NENF: variants seen among roughly 807,000 people sequenced by gnomAD.
NENF encodes the protein neudesin neurotrophic factor, also known as neudesin.
A neutral mutation model predicts 14.8 loss-of-function variants in NENF; 6 were observed. The ratio of observed to expected loss-of-function variants is 0.40; its 90% CI spans 0.22 to 0.80. NENF has a LOEUF of 0.80. NENF is among the 30% of genes least tolerant of loss of function. The probability of loss-of-function intolerance (pLI) is 0.34; values close to 1 mark genes in which losing one functional copy is unlikely to be tolerated. For synonymous variants in NENF, 76 were observed against 95.1 expected, an observed-to-expected ratio of 0.80 and a Z score of 1.17; for missense variants, 184 against 212.7, an observed-to-expected ratio of 0.87 and a Z score of 0.84.
intron 1 of NENF, among the ~76,000 whole-genome samples, chr1:212,435,452 G>A (rs570843615): frequency 3.3e-5 from 5 of 151,932 alleles, no homozygotes; most frequent in African/African-American, 4.8e-5. Flanking sequence ...GGGCCCAAGC[G>A]ATCCTCCTGC....
In NENF at chr1:212,445,818, T is replaced by C. The variant is rs765761664; in HGVS notation, c.343-12T>C. 5.0e-6 allele frequency: 8 copies of C among 1,613,450 alleles called. No homozygotes were observed. Among genetic ancestry groups the C allele is most frequent in the Non-Finnish European group, 6.8e-6 (8 of 1,179,550 alleles). ...CCCCATCTCCTGTCTTTCTTGGGCT[T>C]TTCTCCCCAAGACGGGTCTCACGGC... On this transcript the variant is annotated splice_polypyrimidine_tract_variant and intron_variant, in intron 3 of 3. Transcript: ENST00000366988.
chr1:212,433,082 T>C lies in NENF; in HGVS notation c.139T>C (p.Phe47Leu), dbSNP rs548607474. 1.3e-5 allele frequency: 15 copies of C among 1,194,676 alleles called. No individual in the cohort carries two copies. The African/African-American group carries it at 1.4e-4, about 11-fold the overall frequency. 74.0% of individuals were successfully genotyped at this position (1,194,676 alleles called of 1,614,324 possible). A position where few individuals can be genotyped will look rare whatever the true frequency, so the allele number is the denominator to read the frequency against. Residue 47 changes from phenylalanine (F) to leucine (L), a missense_variant, in exon 1 of 4, where the codon TTC becomes CTC. Phe to Leu is a conservative substitution (Grantham distance 22, BLOSUM62 0). Coordinates refer to ENST00000366988, the MANE Select transcript of NENF (RefSeq NM_013349.5). The surrounding 1 kb of genome is among the most constrained non-coding windows in gnomAD (Gnocchi z 5.5). The part of the protein sequence containing the change: ...PAERGPPVRL[F>L]TEEELARYGG... ...CGAGCGGGGGCCCCCAGTGCGGCTT[T>C]TCACCGAGGAGGAGCTGGCCCGCTA...
chr1:212,441,012 C>G (rs1479993883), intron 1 of NENF, among the ~76,000 whole-genome samples: 2 of 152,106 alleles, frequency 1.3e-5, no homozygotes, highest in African/African-American at 4.8e-5. Context: ...GGACTGTACC[C>G]ATCGTCCCAG....
chr1:212,442,536 C>G, intron 1 of NENF, 29 bp from the exon 2 acceptor site: 1 of 1,591,976 alleles, frequency 6.3e-7, no homozygotes, highest in Non-Finnish European at 8.6e-7. Context: ...TCTTCCCTTC[C>G]TCTTCACAGC....
Position 212,444,431 on chromosome 1 carries a change from AC to A in NENF, c.334del (p.His112MetfsTer79). 2 of 1,599,380 alleles carry A rather than the reference AC, an allele frequency of 1.3e-6. No homozygotes were observed. Among genetic ancestry groups the A allele is most frequent in the Non-Finnish European group, 1.7e-6 (2 of 1,171,934 alleles). Reference protein sequence around the residue: ...AKMSLDPADLTHDTTGLTAKE... With the variant: ...AKMSLDPADLXHDTTGLTAKE... ...GATGTCCTTGGATCCTGCAGACCTC[AC>A]CCATGACACTGTGAGCCAGATTATA... On this transcript the variant is annotated frameshift_variant, in exon 3 of 4. Coordinates refer to ENST00000366988, the MANE Select transcript of NENF (RefSeq NM_013349.5). LOFTEE classifies it high-confidence loss of function.
chr1:212,444,361 C>T lies in NENF; in HGVS notation c.261C>T (p.Pro87=), dbSNP rs775819620. The part of the protein sequence containing the change: ...SGKEFYGRGA[P]YNALTGKDST... The stretch of plus-strand genomic sequence containing the variant: ...CAGAGTTTTATGGACGAGGAGCCCC[C>T]TACAATGCCTTGACGGGGAAGGACT... The change falls in exon 3 of 4, where the codon CCC becomes CCT. Residue 87 remains proline, a synonymous_variant. Transcript: ENST00000366988. 11 of 1,605,956 alleles carry T rather than the reference C, an allele frequency of 6.8e-6. No homozygotes were observed. Among genetic ancestry groups the T allele is most frequent in the Middle Eastern group, 1.6e-4 (1 of 6,064 alleles).
intron 1 of NENF, among the ~76,000 whole-genome samples, chr1:212,439,415 G>A (rs1448870181): frequency 1.3e-5 from 2 of 151,356 alleles, no homozygotes; most frequent in Admixed American, 6.6e-5. Context: ...GGTGGCACAC[G>A]TCTGTAATCC....
chr1:212,444,004 A>G (rs1396606831), intron 2 of NENF, among the ~76,000 whole-genome samples: 2 of 152,072 alleles, frequency 1.3e-5, no homozygotes, highest in African/African-American at 4.8e-5. Context: ...GTGAGCCAAG[A>G]TTGTGCCACT....
chr1:212,438,713 G>A (rs1381533214), intron 1 of NENF, among the ~76,000 whole-genome samples: 3 of 150,058 alleles, frequency 2.0e-5, no homozygotes, highest in African/African-American at 4.9e-5. Flanking sequence ...TCCGCCTCCC[G>A]GGTTCAAGCA....
intron 1 of NENF, among the ~76,000 whole-genome samples, chr1:212,436,434 C>T (rs992354645): frequency 1.3e-5 from 2 of 151,802 alleles, no homozygotes; most frequent in East Asian, 1.9e-4. Flanking sequence ...CTCAGCCTCC[C>T]GAGTAGCTGG....
intron 1 of NENF, among the ~76,000 whole-genome samples, chr1:212,435,927 T>C (rs1370094290): frequency 2.6e-5 from 4 of 152,184 alleles, no homozygotes; most frequent in South Asian, 2.1e-4. Flanking sequence ...AAATGTATTA[T>C]ATACTGAATT....
intron 3 of NENF, 23 bp downstream of exon 3, chr1:212,444,465 G>A (rs374760790): frequency 6.6e-7 from 1 of 1,525,082 alleles, no homozygotes; most frequent in South Asian, 1.2e-5. Context: ...ATAAGCCTTT[G>A]TAAAATCCTC....
chr1:212,433,760 A>C lies in NENF; in HGVS notation c.177+640A>C, dbSNP rs1662560607. Among the ~76,000 whole-genome samples the C allele has an allele frequency of 6.6e-6, 1 of 150,396 alleles. No homozygotes were observed. The highest frequency in any genetic ancestry group is 1.5e-5 in the Non-Finnish European group (1 of 67,542). On this transcript the variant is annotated intron_variant, in intron 1 of 3. Transcript: ENST00000366988. This position sits in a 1 kb window ranked among gnomAD's most constrained non-coding sequence, Gnocchi z 5.5. Reference sequence around the variant, plus strand: ...AATAGAGACCCCCCCGCCCACACACACCCACACACGTCAATAGTCTAGAGG... The same window carrying C: ...AATAGAGACCCCCCCGCCCACACACCCCCACACACGTCAATAGTCTAGAGG...
rs1370620216 is a variant in NENF, at chr1:212,433,104, G to A, written c.161G>A (p.Arg54His). 8.4e-7 allele frequency: 1 copy of A among 1,196,484 alleles called. No individual in the cohort carries two copies. The highest frequency in any genetic ancestry group is 1.0e-6 in the Non-Finnish European group (1 of 964,678). 74.1% of individuals were successfully genotyped at this position (1,196,484 alleles called of 1,614,324 possible). The change falls in exon 1 of 4, where the codon CGC becomes CAC. Residue 54 changes from arginine (R) to histidine (H), a missense_variant. By Grantham distance (29) the Arg-to-His change is conservative. Transcript: ENST00000366988. The surrounding 1 kb of genome is among the most constrained non-coding windows in gnomAD (Gnocchi z 5.5). Reference sequence around the variant, plus strand: ...CTTTTCACCGAGGAGGAGCTGGCCCGCTATGGCGGGGAGGAGGTAGGCGGG... The same window carrying A: ...CTTTTCACCGAGGAGGAGCTGGCCCACTATGGCGGGGAGGAGGTAGGCGGG... Reference protein sequence around the residue: ...VRLFTEEELARYGGEEEDQPI... With the variant: ...VRLFTEEELAHYGGEEEDQPI...
chr1:212,439,569 C>T (rs6702347), intron 1 of NENF, among the ~76,000 whole-genome samples: 3 of 148,672 alleles, frequency 2.0e-5, no homozygotes, highest in Non-Finnish European at 4.4e-5. Context: ...GTTTGCCGGG[C>T]GTGTTGCCTC....
intron 1 of NENF, among the ~76,000 whole-genome samples, chr1:212,439,349 A>G (rs1207000535): frequency 2.0e-5 from 3 of 150,796 alleles, no homozygotes; most frequent in East Asian, 2.0e-4. Context: ...CCTGACCAAC[A>G]TGGAGAAACC....
chr1:212,437,874 C>T (rs772485735), intron 1 of NENF, among the ~76,000 whole-genome samples: 27 of 152,220 alleles, frequency 1.8e-4, no homozygotes, highest in African/African-American at 4.1e-4. Context: ...AAAATCTGGG[C>T]GGGGTGTGGT....
At chr1:212,439,006 G>A (rs779034998) in intron 1 of NENF, among the ~76,000 whole-genome samples, 12 of 152,026 alleles carry the variant, frequency 7.9e-5, no homozygotes, top group Non-Finnish European at 1.0e-4. Context: ...GAGAGTCTGT[G>A]CCTGGGGGTT....
intron 1 of NENF, among the ~76,000 whole-genome samples, chr1:212,439,237 T>TA (rs929403467): frequency 6.6e-6 from 1 of 151,948 alleles, no homozygotes; most frequent in African/African-American, 2.4e-5. Flanking sequence ...ATTTTACTGT[T>TA]AAAAAAAGGA....
Sources: gnomAD v4.1 joint callset for allele counts (sites outside exome capture counted in the v4.1 genomes callset) on GRCh38, gnomAD v4.1.1 for gene constraint, Gnocchi (gnomAD v3.1) non-coding constraint, MANE v1.5 for transcripts, NCBI Gene and HGNC (gene_info 2026-07-23, HGNC 2026-07-21) for gene names.